Variants in TMEM135 observed in about 807,000 individuals in gnomAD.
TMEM135 encodes the protein peroxisomal membrane protein 52.
A neutral mutation model predicts 60.3 loss-of-function variants in TMEM135; 30 were observed. The ratio of observed to expected loss-of-function variants is 0.50; its 90% confidence interval spans 0.37 to 0.68. TMEM135 has a LOEUF of 0.68. Among genes scored for constraint, TMEM135 ranks in the 30% least tolerant of loss-of-function variants. The probability of loss-of-function intolerance (pLI) is 0.00; values close to 1 mark genes in which losing one functional copy is unlikely to be tolerated. For synonymous variants in TMEM135, 190 were observed against 186.7 expected, an observed-to-expected ratio of 1.02 and a Z score of -0.14; for missense variants, 468 against 548.8, an observed-to-expected ratio of 0.85 and a Z score of 1.47.
At chr11:87,199,285 A>G (rs577518042) in intron 5 of TMEM135, among the ~76,000 whole-genome samples, 1 of 152,338 alleles carries the variant, frequency 6.6e-6, no homozygotes, top group South Asian at 2.1e-4. Context: ...TGAAGAGGGT[A>G]GGTTAGAGGG....
Position 87,062,760 on chromosome 11 carries a change from C to T in TMEM135, c.142-4934C>T, listed in dbSNP as rs928804902. On this transcript the variant is annotated intron_variant, in intron 1 of 14. Transcript: ENST00000305494. ...TATAAGCGTGAGCCACTGCACTCGG[C>T]CCATTTATTTTTAAAAAAATTACAT... Among the ~76,000 whole-genome samples, 7 of 151,932 alleles carry T rather than the reference C, an allele frequency of 4.6e-5. No homozygotes were observed. The East Asian group carries it at 7.7e-4, about 17-fold the overall frequency.
chr11:87,054,066 A>G (rs1454740601), intron 1 of TMEM135, among the ~76,000 whole-genome samples: 7 of 152,226 alleles, frequency 4.6e-5, no homozygotes, highest in Non-Finnish European at 1.0e-4. Flanking sequence ...CTTCCTCATA[A>G]TTATACTTGA....
chr11:87,269,097 T>G (rs1004667792), intron 6 of TMEM135, among the ~76,000 whole-genome samples: 45 of 150,990 alleles, frequency 3.0e-4, no homozygotes, highest in African/African-American at 9.9e-4. Flanking sequence ...AATGCACATT[T>G]TATTTCTCAT....
chr11:87,188,783 A>G (rs1016164133), intron 5 of TMEM135, among the ~76,000 whole-genome samples: 7 of 152,100 alleles, frequency 4.6e-5, no homozygotes, highest in Non-Finnish European at 1.0e-4. Context: ...TGTATAAAGT[A>G]AAAAACGAGT....
intron 1 of TMEM135, among the ~76,000 whole-genome samples, chr11:87,066,845 A>G (rs967476117): frequency 2.4e-4 from 36 of 149,458 alleles, no homozygotes; most frequent in African/African-American, 8.4e-4. Flanking sequence ...CAGTGGCACA[A>G]TCTGGGCTCA....
intron 4 of TMEM135, among the ~76,000 whole-genome samples, chr11:87,105,320 G>A (rs556408427): frequency 2.1e-4 from 32 of 152,254 alleles, no homozygotes; most frequent in African/African-American, 7.5e-4. Context: ...GATCAGCAGC[G>A]GCATTAGATT....
At chr11:87,236,745 C>G in intron 6 of TMEM135, 61 bp downstream of exon 6, 2 of 1,497,060 alleles carry the variant, frequency 1.3e-6, no homozygotes, top group Non-Finnish European at 1.9e-6. Context: ...GTAATTTCAT[C>G]AACCACGAAA....
intron 6 of TMEM135, among the ~76,000 whole-genome samples, chr11:87,261,205 G>A (rs1941644827): frequency 2.0e-5 from 3 of 152,146 alleles, no homozygotes; most frequent in Admixed American, 2.0e-4. Flanking sequence ...GAAGGTCAAA[G>A]ATTATCAGGT....
chr11:87,170,470 G>A (rs537158266), intron 5 of TMEM135, among the ~76,000 whole-genome samples: 4 of 152,268 alleles, frequency 2.6e-5, no homozygotes, highest in East Asian at 1.9e-4. Context: ...TGGGGTTTCT[G>A]TGTGGACATC....
At chr11:87,067,540 C>T (rs149846823) in intron 1 of TMEM135, among the ~76,000 whole-genome samples, 154 bp from the exon 2 acceptor site, 55 of 152,174 alleles carry the variant, frequency 3.6e-4, no homozygotes, top group African/African-American at 1.3e-3. Flanking sequence ...TCCTTTCTAT[C>T]CTGAACATTG....
At chr11:87,286,467 C>A (rs1447331899) in intron 6 of TMEM135, among the ~76,000 whole-genome samples, 1 of 152,244 alleles carries the variant, frequency 6.6e-6, no homozygotes, top group African/African-American at 2.4e-5. Context: ...GCCTAGTGGA[C>A]CCTGCGCCAG....
chr11:87,235,551 G>C (rs1261867509), intron 5 of TMEM135, among the ~76,000 whole-genome samples: 2 of 151,856 alleles, frequency 1.3e-5, no homozygotes, highest in African/African-American at 2.4e-5. Context: ...AATTATTTGT[G>C]TTAGAAATAG....
At chr11:87,039,602 T>C (rs938665233) in intron 1 of TMEM135, among the ~76,000 whole-genome samples, 16 of 152,368 alleles carry the variant, frequency 1.1e-4, no homozygotes, top group South Asian at 8.3e-4. Context: ...GGCCTTGTTG[T>C]ATTGCCATTC....
At chr11:87,169,488 G>A (rs527331897) in intron 5 of TMEM135, among the ~76,000 whole-genome samples, 2 of 151,656 alleles carry the variant, frequency 1.3e-5, no homozygotes, top group Non-Finnish European at 2.9e-5. Context: ...CTCTTGTGAG[G>A]CAGGCCTGGT....
At chr11:87,255,703 A>C (rs535572469) in intron 6 of TMEM135, among the ~76,000 whole-genome samples, 28 of 152,280 alleles carry the variant, frequency 1.8e-4, no homozygotes, top group Admixed American at 1.8e-3. Context: ...TATCATAGCC[A>C]AAGAGCTGCC....
chr11:87,218,214 C>T (rs1249746923), intron 5 of TMEM135, among the ~76,000 whole-genome samples: 2 of 152,206 alleles, frequency 1.3e-5, no homozygotes, highest in East Asian at 1.9e-4. Flanking sequence ...TTATCCACCC[C>T]CAAATCTCAC....
chr11:87,181,726 A>T (rs1292053039), intron 5 of TMEM135, among the ~76,000 whole-genome samples: 1 of 152,150 alleles, frequency 6.6e-6, no homozygotes, highest in African/African-American at 2.4e-5. Flanking sequence ...TTATAAAGTA[A>T]ATTTTATTGT....
At chr11:87,056,377 G>A (rs1424909879) in intron 1 of TMEM135, among the ~76,000 whole-genome samples, 1 of 152,074 alleles carries the variant, frequency 6.6e-6, no homozygotes, top group Admixed American at 6.6e-5. Flanking sequence ...CAAAGAGCTG[G>A]GATTACAGGT....
intron 4 of TMEM135, among the ~76,000 whole-genome samples, chr11:87,137,506 A>G (rs984332140): frequency 8.5e-5 from 13 of 152,186 alleles, no homozygotes; most frequent in African/African-American, 2.9e-4. Context: ...AAATTTAGAT[A>G]TAATTCTTTA....
Sources: gnomAD v4.1 joint callset for allele counts (sites outside exome capture counted in the v4.1 genomes callset) on GRCh38, gnomAD v4.1.1 for gene constraint, MANE v1.5 for transcripts, NCBI Gene and HGNC (gene_info 2026-07-23, HGNC 2026-07-21) for gene names.